Variants in SH3RF1 observed in about 807,000 individuals in gnomAD.
SH3RF1 encodes the protein E3 ubiquitin-protein ligase SH3RF1.
Under a neutral mutation model 74.0 loss-of-function variants are expected in SH3RF1, and 32 were observed. The observed-to-expected ratio is 0.43, with a 90% confidence interval of 0.33 to 0.58. The LOEUF (loss-of-function observed/expected upper bound fraction) is 0.58. SH3RF1 is among the 20% of genes least tolerant of loss of function. The pLI is 0.05. For missense variants in SH3RF1, 954 were observed against 1,130.9 expected (o/e 0.84, Z 2.24); for synonymous variants, 396 against 439.6 (o/e 0.90, Z 1.24).
At chr4:169,180,082 TGTAGTTC>T (rs1279961948) in intron 2 of SH3RF1, among the ~76,000 whole-genome samples, 2 of 152,174 alleles carry the variant, frequency 1.3e-5, no homozygotes, top group Non-Finnish European at 2.9e-5. Flanking sequence ...AGAAAAAACT[TGTAGTTC>T]CAGTGCTGAA....
At chr4:169,206,574 G>GT (rs1178338994) in intron 2 of SH3RF1, among the ~76,000 whole-genome samples, 2 of 152,170 alleles carry the variant, frequency 1.3e-5, no homozygotes, top group African/African-American at 2.4e-5. Context: ...TTAAATAAGT[G>GT]AAGTCAAGAA....
intron 2 of SH3RF1, among the ~76,000 whole-genome samples, chr4:169,229,426 T>C (rs375683601): frequency 9.9e-5 from 15 of 151,924 alleles, no homozygotes; most frequent in African/African-American, 3.6e-4. Flanking sequence ...TCCCAAATTG[T>C]GTTCCTTAGA....
chr4:169,098,556 T>G (rs1732967754), intron 11 of SH3RF1, among the ~76,000 whole-genome samples: 2 of 152,200 alleles, frequency 1.3e-5, no homozygotes, highest in South Asian at 4.1e-4. Context: ...CTGAGCTCCT[T>G]TGGCACAGGG....
At chr4:169,148,755 T>C (rs1169304997) in intron 4 of SH3RF1, among the ~76,000 whole-genome samples, 2 of 152,172 alleles carry the variant, frequency 1.3e-5, no homozygotes, top group Non-Finnish European at 2.9e-5. Flanking sequence ...ATTTGTTTTG[T>C]TGCATACGAA....
In SH3RF1 at chr4:169,107,220, T is replaced by C. The variant is rs754776973; in HGVS notation, c.2140-15A>G. On this transcript the variant is annotated splice_polypyrimidine_tract_variant and intron_variant, in intron 10 of 11. Transcript: ENST00000284637. ...TTTTTTTCTTTCTGGAAAAAAAAAA[T>C]AATGAGCCTTAGTTGGAGAATGACA... The C allele has an allele frequency of 2.0e-6, 3 of 1,508,904 alleles. No individual in the cohort carries two copies. The East Asian group carries it at 6.8e-5, about 34-fold the overall frequency. The allele number at this position is 1,508,904 out of a possible 1,614,324, so 93.5% of individuals were successfully genotyped here.
intron 2 of SH3RF1, among the ~76,000 whole-genome samples, chr4:169,226,968 A>T (rs1356479128): frequency 1.3e-5 from 2 of 152,120 alleles, no homozygotes; most frequent in Non-Finnish European, 2.9e-5. Context: ...AGAGTTTGAG[A>T]CCACCCTGGT....
At chr4:169,097,420 C>T (rs1229733552) in intron 11 of SH3RF1, among the ~76,000 whole-genome samples, 1 of 152,130 alleles carries the variant, frequency 6.6e-6, no homozygotes, top group African/African-American at 2.4e-5. Context: ...GTCTGTTTCT[C>T]CTTGGCTCAG....
At chr4:169,177,146 C>T (rs1324462928) in intron 2 of SH3RF1, among the ~76,000 whole-genome samples, 4 of 152,176 alleles carry the variant, frequency 2.6e-5, no homozygotes, top group Admixed American at 2.0e-4. Context: ...TCTTTAAGTA[C>T]AGCACTTATA....
At chr4:169,258,837 T>C (rs1229723261) in intron 2 of SH3RF1, among the ~76,000 whole-genome samples, 1 of 152,180 alleles carries the variant, frequency 6.6e-6, no homozygotes, top group Admixed American at 6.5e-5. Context: ...GTTATATAAT[T>C]AGGAATGTAA....
rs1733877188 is a variant in SH3RF1, at chr4:169,145,995, TTACA to T, written c.766-9379_766-9376del. Among the ~76,000 whole-genome samples, 2 of 98,634 alleles carry T rather than the reference TTACA, an allele frequency of 2.0e-5. 1 individual carries two copies. The highest frequency in any genetic ancestry group is 4.3e-5 in the Non-Finnish European group (2 of 46,066). 64.7% of individuals were successfully genotyped at this position (98,634 alleles called of 152,430 possible). A position where few individuals can be genotyped will look rare whatever the true frequency, so the allele number is the denominator to read the frequency against. Reference sequence around the variant, plus strand: ...TCTATATATTATTCTATATAAAATATTACATATTCTATATATTCTATATAAAATA... The same window carrying T: ...TCTATATATTATTCTATATAAAATATTATTCTATATATTCTATATAAAATA... On this transcript the variant is annotated intron_variant, in intron 4 of 11. Coordinates refer to ENST00000284637, the MANE Select transcript of SH3RF1 (RefSeq NM_020870.4).
At chr4:169,261,453 T>C (rs1041750043) in intron 2 of SH3RF1, among the ~76,000 whole-genome samples, 7 of 152,154 alleles carry the variant, frequency 4.6e-5, no homozygotes, top group African/African-American at 7.2e-5. Flanking sequence ...CAACTGCAGG[T>C]AAGGGAAGGA....
chr4:169,197,997 T>C (rs1207211523), intron 2 of SH3RF1, among the ~76,000 whole-genome samples: 1 of 152,168 alleles, frequency 6.6e-6, no homozygotes, highest in Non-Finnish European at 1.5e-5. Flanking sequence ...CCCTCAAAAT[T>C]AGAATGTTCT....
chr4:169,141,109 A>T (rs2126956583), intron 4 of SH3RF1, among the ~76,000 whole-genome samples: 1 of 152,142 alleles, frequency 6.6e-6, no homozygotes, highest in South Asian at 2.1e-4. Flanking sequence ...CTTGGTATAG[A>T]ACATTATGAA....
At chr4:169,113,529 C>T (rs1454971514) in intron 10 of SH3RF1, among the ~76,000 whole-genome samples, 1 of 152,184 alleles carries the variant, frequency 6.6e-6, no homozygotes, top group Non-Finnish European at 1.5e-5. Context: ...CCAGGAGACA[C>T]TCGCTAACAA....
chr4:169,166,728 A>T, intron 2 of SH3RF1: 1 of 213,818 alleles, frequency 4.7e-6, no homozygotes, highest in South Asian at 9.5e-5. Context: ...CATCCTCTCT[A>T]GGTGTCACAG....
intron 2 of SH3RF1, among the ~76,000 whole-genome samples, chr4:169,168,964 A>T (rs146543023): frequency 6.6e-6 from 1 of 152,322 alleles, no homozygotes; most frequent in East Asian, 1.9e-4. Context: ...AATCAAATCA[A>T]GCCAGCTTCA....
chr4:169,265,216 G>T (rs1731333660), intron 2 of SH3RF1, among the ~76,000 whole-genome samples: 1 of 152,110 alleles, frequency 6.6e-6, no homozygotes, highest in Admixed American at 6.6e-5. Flanking sequence ...AGCTAAGAAT[G>T]GTTTGTCTAC....
chr4:169,116,681 C>T (rs1733340313), intron 9 of SH3RF1, 51 bp from the exon 10 acceptor site: 3 of 1,495,940 alleles, frequency 2.0e-6, no homozygotes, highest in Non-Finnish European at 2.7e-6. Context: ...CTAATAGATG[C>T]TGCTCACCAA....
intron 2 of SH3RF1, among the ~76,000 whole-genome samples, chr4:169,162,055 A>G (rs1734157395): frequency 6.6e-6 from 1 of 152,082 alleles, no homozygotes. Context: ...GTGCGCCTAC[A>G]GTCCCAACTA....
Sources: allele counts gnomAD v4.1 joint callset (sites outside exome capture counted in the v4.1 genomes callset), GRCh38; gene constraint gnomAD v4.1.1; transcripts MANE v1.5; gene names NCBI Gene and HGNC (gene_info 2026-07-23, HGNC 2026-07-21).